Variants in C19orf44 observed in about 807,000 individuals in gnomAD.
C19orf44 encodes the protein uncharacterized protein C19orf44.
In C19orf44, 43 loss-of-function variants were observed where a neutral mutation model predicts 50.7. The ratio of observed to expected loss-of-function variants is 0.85; its 90% CI spans 0.66 to 1.09. The LOEUF (loss-of-function observed/expected upper bound fraction) is 1.09. C19orf44 is among the 50% of genes least tolerant of loss of function. C19orf44 has a pLI of 0.00. For synonymous variants in C19orf44, 298 were observed against 334.7 expected, an observed-to-expected ratio of 0.89 and a Z score of 1.20; for missense variants, 722 against 836.2, an observed-to-expected ratio of 0.86 and a Z score of 1.68.
At position 16,503,189 on chromosome 19, in the gene C19orf44, G is replaced by A. The variant is rs760358231; in HGVS notation, c.884G>A (p.Arg295Lys). The change falls in exon 3 of 9, where the codon AGA (arginine) becomes AAA (lysine). Residue 295 changes from arginine to lysine, a missense_variant. Arg to Lys is a conservative substitution (Grantham distance 26). Transcript: ENST00000221671. ...AGAACCCTTCACAGCACTCGCTCAA[G>A]AGCAGACTACCCACAGAGTCACGTT... is the stretch of plus-strand genomic sequence containing the variant. ...ADRTLHSTRSRADYPQSHVSS... is the reference protein window; with the variant it reads ...ADRTLHSTRSKADYPQSHVSS... The A allele has an allele frequency of 6.2e-7, 1 of 1,614,118 alleles. No homozygotes were observed. The highest frequency in any genetic ancestry group is 1.1e-5 in the South Asian group (1 of 91,080).
intron 8 of C19orf44, 33 bp downstream of exon 8, chr19:16,517,374 C>G: frequency 2.9e-6 from 4 of 1,375,078 alleles, no homozygotes; most frequent in East Asian, 2.4e-5. Context: ...TGCACACACA[C>G]GCACACAAAC....
At chr19:16,508,879 G>A (rs534548297) in intron 4 of C19orf44, among the ~76,000 whole-genome samples, 9 of 151,230 alleles carry the variant, frequency 6.0e-5, no homozygotes, top group African/African-American at 1.9e-4. Context: ...GGAGTGCAAT[G>A]GTGTGATCTC....
In C19orf44 at chr19:16,518,898, C is replaced by A. The variant is rs116593693; in HGVS notation, c.*41-1196C>A. 2.2e-3 allele frequency: 1,123 copies of A among 511,310 alleles called. 7 individuals are homozygous for A. The highest frequency in any genetic ancestry group is 0.018 in the African/African-American group (938 of 50,822). The allele number at this position is 511,310 out of a possible 1,614,324, so 31.7% of individuals were successfully genotyped here. On this transcript the variant is annotated intron_variant, in intron 8 of 8. Coordinates refer to ENST00000221671, the MANE Select transcript of C19orf44 (RefSeq NM_032207.4). ...GCGGAGGGTCTTGTGTTTTTTGCTTCGCTATAAAGGAAAACGAGCCTGGGG... is the reference window on the plus strand; with the variant it reads ...GCGGAGGGTCTTGTGTTTTTTGCTTAGCTATAAAGGAAAACGAGCCTGGGG...
chr19:16,519,772 A>T lies in C19orf44; in HGVS notation c.*41-322A>T, dbSNP rs1044697008. The T allele has an allele frequency of 4.1e-6, 6 of 1,448,668 alleles. No individual in the cohort carries two copies. In the Admixed American group the frequency reaches 5.0e-5, roughly 12 times the overall value. 89.7% of individuals were successfully genotyped at this position (1,448,668 alleles called of 1,614,324 possible). ...AGTAACTGAGACATTTATTGGAATGACAGTGATGAGGACCTCACAGCCGCA... is the reference window on the plus strand; with the variant it reads ...AGTAACTGAGACATTTATTGGAATGTCAGTGATGAGGACCTCACAGCCGCA... On this transcript the variant is annotated intron_variant, in intron 8 of 8. Transcript: ENST00000221671. This position sits in a 1 kb window ranked among gnomAD's most constrained non-coding sequence, Gnocchi z 6.0.
chr19:16,506,926 G>A (rs919507107), intron 4 of C19orf44, 152 bp downstream of exon 4: 17 of 590,638 alleles, frequency 2.9e-5, no homozygotes, highest in Non-Finnish European at 4.8e-5. Flanking sequence ...TCCCGATTCA[G>A]CCTCCCAAAG....
rs992592293 is a variant in C19orf44, at chr19:16,509,727, A to G, written c.1378A>G (p.Met460Val). 1.2e-6 allele frequency: 2 copies of G among 1,614,126 alleles called. No homozygotes were observed. The highest frequency in any genetic ancestry group is 1.3e-5 in the African/African-American group (1 of 74,952). The change falls in exon 5 of 9, where the codon ATG (methionine) becomes GTG (valine). Residue 460 changes from methionine to valine, a missense_variant. Transcript: ENST00000221671. Reference protein sequence around the residue: ...SSMQPPSEAPMVNTVSSAYSE... With the variant: ...SSMQPPSEAPVVNTVSSAYSE... Reference sequence around the variant, plus strand: ...CATGCAGCCACCATCTGAAGCCCCCATGGTGAACACAGTCAGCTCAGCTTA... The same window carrying G: ...CATGCAGCCACCATCTGAAGCCCCCGTGGTGAACACAGTCAGCTCAGCTTA...
chr19:16,509,710 C>T lies in C19orf44; in HGVS notation c.1361C>T (p.Pro454Leu), dbSNP rs1383194567. The change falls in exon 5 of 9, where the codon CCA (proline) becomes CTA (leucine). Residue 454 changes from proline to leucine, a missense_variant. Coordinates refer to ENST00000221671, the MANE Select transcript of C19orf44 (RefSeq NM_032207.4). ...CAGGACAGCACTTCCAGCATGCAGC[C>T]ACCATCTGAAGCCCCCATGGTGAAC... is the stretch of plus-strand genomic sequence containing the variant. ...IQQDSTSSMQPPSEAPMVNTV... is the reference protein window; with the variant it reads ...IQQDSTSSMQLPSEAPMVNTV... 1.9e-6 allele frequency: 3 copies of T among 1,614,254 alleles called. No individual in the cohort carries two copies. In the Admixed American group the frequency reaches 5.0e-5, roughly 27 times the overall value.
rs1385149515 is a variant in C19orf44 at position 16,519,129 on chromosome 19, G to A, written c.*41-965G>A. 2.5e-6 allele frequency: 4 copies of A among 1,597,446 alleles called. No individual in the cohort carries two copies. Among genetic ancestry groups the A allele is most frequent in the African/African-American group, 1.3e-5 (1 of 74,626 alleles). On this transcript the variant is annotated intron_variant, in intron 8 of 8. Transcript: ENST00000221671. This position sits in a 1 kb window ranked among gnomAD's most constrained non-coding sequence, Gnocchi z 6.0. ...GGAAGGTCCCACAGCCGGCACCGCT[G>A]GCCACCGGCGCGGCTCCCGGCATGG...
intron 7 of C19orf44, among the ~76,000 whole-genome samples, chr19:16,515,230 G>A (rs866146787): frequency 2.0e-5 from 3 of 152,090 alleles, no homozygotes; most frequent in Non-Finnish European, 4.4e-5. Flanking sequence ...GGATGGTGAC[G>A]GGCGCCTGTA....
chr19:16,497,557 G>A (rs1234008024), intron 1 of C19orf44, among the ~76,000 whole-genome samples: 1 of 151,498 alleles, frequency 6.6e-6, no homozygotes, highest in Non-Finnish European at 1.5e-5. Flanking sequence ...TACCATGTGT[G>A]TCAGGCTGGT....
In C19orf44 at chr19:16,520,199, C is replaced by G; in HGVS notation, c.*146C>G. ...ACCGGCGTCTTCTTCCTGGGGAGTACGACTTGGACCGGGACCGCGACTGGG... is the reference window on the plus strand; with the variant it reads ...ACCGGCGTCTTCTTCCTGGGGAGTAGGACTTGGACCGGGACCGCGACTGGG... On this transcript the variant is annotated 3_prime_UTR_variant, in exon 9 of 9. Coordinates refer to ENST00000221671, the MANE Select transcript of C19orf44 (RefSeq NM_032207.4). This position sits in a 1 kb window ranked among gnomAD's most constrained non-coding sequence, Gnocchi z 4.0. The G allele has an allele frequency of 6.2e-7, 1 of 1,613,274 alleles. No homozygotes were observed. Among genetic ancestry groups the G allele is most frequent in the Non-Finnish European group, 8.5e-7 (1 of 1,180,022 alleles).
chr19:16,511,571 TATTTTATTTTATATA>T (rs1397425900), intron 5 of C19orf44, among the ~76,000 whole-genome samples: 1 of 151,898 alleles, frequency 6.6e-6, no homozygotes, highest in Non-Finnish European at 1.5e-5. Context: ...CCCATGTTAT[TATTTTATTTTATATA>T]ATTTTATTTT....
rs1037581976 is a variant in C19orf44 at position 16,513,069 on chromosome 19, A to G, written c.1695A>G (p.Thr565=). ...PALGGAYVDP[T]PIANHVISAD... is the part of the protein sequence containing the mutation. ...TGGGAGGCGCCTACGTGGACCCGAC[A>G]CCCATCGCCAATCATGTTATCAGTG... Residue 565 remains threonine, a synonymous_variant, in exon 6 of 9, where the codon ACA becomes ACG. Coordinates refer to ENST00000221671, the MANE Select transcript of C19orf44 (RefSeq NM_032207.4). 2 of 1,613,722 alleles carry G rather than the reference A, an allele frequency of 1.2e-6. No homozygotes were observed. The highest frequency in any genetic ancestry group is 2.7e-5 in the African/African-American group (2 of 74,868).
At position 16,501,071 on chromosome 19, in the gene C19orf44, ACTC is replaced by A. The variant is rs1568491762; in HGVS notation, c.280_282del (p.Leu94del). 3 of 1,614,002 alleles carry A rather than the reference ACTC, an allele frequency of 1.9e-6. No homozygotes were observed. Among genetic ancestry groups the A allele is most frequent in the South Asian group, 2.2e-5 (2 of 91,082 alleles). On this transcript the variant is annotated inframe_deletion, in exon 2 of 9. Coordinates refer to ENST00000221671, the MANE Select transcript of C19orf44 (RefSeq NM_032207.4). ...CCTCCAGGATCCGAGCCAATGCCGC[ACTC>A]ATGAAGCTGGCCCAGCTGGAAACCC...
In C19orf44 at chr19:16,513,036, G is replaced by T; in HGVS notation, c.1662G>T (p.Gly554=). ...WTKVASMAAM[G]PALGGAYVDP... ...TAGTGGCCAGCATGGCAGCCATGGG[G>T]CCTGCCCTGGGAGGCGCCTACGTGG... Residue 554 remains glycine, a synonymous_variant, in exon 6 of 9, where the codon GGG becomes GGT. Coordinates refer to ENST00000221671, the MANE Select transcript of C19orf44 (RefSeq NM_032207.4). 1 of 1,613,400 alleles carries T rather than the reference G, an allele frequency of 6.2e-7. No homozygotes were observed. The highest frequency in any genetic ancestry group is 1.7e-5 in the Admixed American group (1 of 60,004).
At chr19:16,498,083 G>A (rs1309425588) in intron 1 of C19orf44, among the ~76,000 whole-genome samples, 1 of 152,154 alleles carries the variant, frequency 6.6e-6, no homozygotes, top group Non-Finnish European at 1.5e-5. Flanking sequence ...CTCAGCCTGG[G>A]CAACAGAGTG....
chr19:16,518,524 G>A (rs377089383), intron 8 of C19orf44: 1 of 152,234 alleles, frequency 6.6e-6, no homozygotes, highest in Non-Finnish European at 1.5e-5. Flanking sequence ...TTAGGTTTCA[G>A]AATCTCACTG....
At chr19:16,499,103 G>C (rs2093417775) in intron 1 of C19orf44, among the ~76,000 whole-genome samples, 1 of 152,016 alleles carries the variant, frequency 6.6e-6, no homozygotes. Context: ...ACTTGCCCGG[G>C]GTCACACAGA....
At position 16,521,054 on chromosome 19, in the gene C19orf44, G is replaced by A; in HGVS notation, c.*1001G>A. ...GGGCTCCGAGCATGGGCGCAGTAGA[G>A]CTTGGTTCAGTGTTCCCACAGGGCT... On this transcript the variant is annotated 3_prime_UTR_variant, in exon 9 of 9. Coordinates refer to ENST00000221671, the MANE Select transcript of C19orf44 (RefSeq NM_032207.4). 1 of 721,112 alleles carries A rather than the reference G, an allele frequency of 1.4e-6. No individual in the cohort carries two copies. Among genetic ancestry groups the A allele is most frequent in the East Asian group, 2.7e-5 (1 of 37,652 alleles). The allele number at this position is 721,112 out of a possible 1,614,324, so 44.7% of individuals were successfully genotyped here. A position where few individuals can be genotyped will look rare whatever the true frequency, so the allele number is the denominator to read the frequency against.
Sources: allele counts gnomAD v4.1 joint callset (sites outside exome capture counted in the v4.1 genomes callset), GRCh38; gene constraint gnomAD v4.1.1; non-coding constraint Gnocchi (gnomAD v3.1); transcripts MANE v1.5; gene names NCBI Gene and HGNC (gene_info 2026-07-23, HGNC 2026-07-21).